Variants in KCND2 observed in about 807,000 individuals in gnomAD.
KCND2 encodes A-type voltage-gated potassium channel KCND2.
KCND2 carries 16 observed loss-of-function variants against 54.4 expected under a neutral mutation model. That is an observed-to-expected ratio of 0.29 (90% CI 0.20 to 0.45). The LOEUF (loss-of-function observed/expected upper bound fraction) is 0.45, where lower values mean the gene tolerates loss of function less well. Among genes scored for constraint, KCND2 ranks in the 20% least tolerant of loss-of-function variants. The probability of loss-of-function intolerance (pLI) is 1.00; values close to 1 mark genes in which losing one functional copy is unlikely to be tolerated. For synonymous variants in KCND2, 317 were observed against 310.7 expected (o/e 1.02, Z -0.21); for missense variants, 486 against 824.2 (o/e 0.59, Z 5.02).
intron 1 of KCND2, among the ~76,000 whole-genome samples, chr7:120,437,565 T>C (rs187504441): frequency 6.6e-6 from 1 of 152,152 alleles, no homozygotes; most frequent in Admixed American, 6.5e-5. Context: ...AAAAAAAAGA[T>C]ACTAAGTGCA....
At chr7:120,712,239 G>T (rs1792548675) in intron 1 of KCND2, among the ~76,000 whole-genome samples, 2 of 48,426 alleles carry the variant, frequency 4.1e-5, no homozygotes, top group East Asian at 7.1e-4. Flanking sequence ...TTGGATATCT[G>T]AATTTTTTTT....
intron 1 of KCND2, among the ~76,000 whole-genome samples, chr7:120,282,308 A>G (rs1191666302): frequency 6.6e-6 from 1 of 152,080 alleles, no homozygotes; most frequent in Non-Finnish European, 1.5e-5. Context: ...AGGTTTTCTC[A>G]TTTATGCATA....
Position 120,554,644 on chromosome 7 carries a change from G to A in KCND2, c.1116-178259G>A, listed in dbSNP as rs192845161. Among the ~76,000 whole-genome samples the A allele has an allele frequency of 6.1e-3, 935 of 152,070 alleles. 10 individuals are homozygous for A. Among genetic ancestry groups the A allele is most frequent in the African/African-American group, 0.021 (866 of 41,500 alleles). ...AGGATGGTGTCGATCTCCTGACCTC[G>A]TGATCCGCCCGCCTCGGCCTCCCAA... On this transcript the variant is annotated intron_variant, in intron 1 of 5. Transcript: ENST00000331113.
intron 1 of KCND2, among the ~76,000 whole-genome samples, chr7:120,634,962 T>C (rs1361227829): frequency 6.6e-6 from 1 of 152,188 alleles, no homozygotes; most frequent in East Asian, 1.9e-4. Flanking sequence ...CATCATGCTG[T>C]TCCCCTGTCC....
At chr7:120,647,623 C>T (rs982898280) in intron 1 of KCND2, among the ~76,000 whole-genome samples, 15 of 152,198 alleles carry the variant, frequency 9.9e-5, no homozygotes, top group South Asian at 4.2e-4. Flanking sequence ...CAGAAAAGAA[C>T]GGCTAATTAT....
chr7:120,592,453 G>C (rs775788661), intron 1 of KCND2, among the ~76,000 whole-genome samples: 14 of 152,090 alleles, frequency 9.2e-5, no homozygotes, highest in Non-Finnish European at 1.6e-4. Context: ...CAGGAGAATA[G>C]CTTGAACCCA....
At chr7:120,469,923 G>T (rs1003983173) in intron 1 of KCND2, among the ~76,000 whole-genome samples, 2 of 152,098 alleles carry the variant, frequency 1.3e-5, no homozygotes, top group Non-Finnish European at 2.9e-5. Flanking sequence ...GCATAAAAAA[G>T]TCACACTTAG....
At chr7:120,713,944 T>TA (rs1792571665) in intron 1 of KCND2, among the ~76,000 whole-genome samples, 1 of 152,194 alleles carries the variant, frequency 6.6e-6, no homozygotes, top group Admixed American at 6.5e-5. Context: ...TCAGTAATAA[T>TA]ATTGGCTTTG....
At chr7:120,456,556 T>C (rs921089039) in intron 1 of KCND2, among the ~76,000 whole-genome samples, 1 of 152,232 alleles carries the variant, frequency 6.6e-6, no homozygotes, top group African/African-American at 2.4e-5. Context: ...ACAATAATAA[T>C]GCAATTTCAT....
chr7:120,393,451 C>G (rs1801107485), intron 1 of KCND2, among the ~76,000 whole-genome samples: 1 of 151,978 alleles, frequency 6.6e-6, no homozygotes, highest in African/African-American at 2.4e-5. Context: ...TCTAGAAATG[C>G]ATTCACTTCT....
intron 1 of KCND2, among the ~76,000 whole-genome samples, chr7:120,656,876 A>G (rs1791809763): frequency 6.6e-6 from 1 of 152,170 alleles, no homozygotes; most frequent in Admixed American, 6.6e-5. Context: ...AAGGGGAACA[A>G]CAATCTGGCA....
At chr7:120,570,879 G>A (rs534045378) in intron 1 of KCND2, among the ~76,000 whole-genome samples, 9 of 152,184 alleles carry the variant, frequency 5.9e-5, no homozygotes, top group South Asian at 4.1e-4. Context: ...TATCCAAAGC[G>A]GTATAAACAG....
At chr7:120,531,767 T>A (rs1402756025) in intron 1 of KCND2, among the ~76,000 whole-genome samples, 1 of 152,138 alleles carries the variant, frequency 6.6e-6, no homozygotes, top group South Asian at 2.1e-4. Flanking sequence ...TACAAAAGAC[T>A]TTATATACTT....
At chr7:120,540,652 A>G (rs184311464) in intron 1 of KCND2, among the ~76,000 whole-genome samples, 18 of 152,332 alleles carry the variant, frequency 1.2e-4, no homozygotes, top group Non-Finnish European at 2.2e-4. Flanking sequence ...CAACTGTAAG[A>G]GAAGTGGTAC....
chr7:120,282,004 A>G (rs886978556), intron 1 of KCND2, among the ~76,000 whole-genome samples: 1 of 152,134 alleles, frequency 6.6e-6, no homozygotes, highest in African/African-American at 2.4e-5. Flanking sequence ...ATCCATAACT[A>G]ACTACTCTGC....
At chr7:120,413,513 A>G (rs1801480072) in intron 1 of KCND2, among the ~76,000 whole-genome samples, 1 of 152,024 alleles carries the variant, frequency 6.6e-6, no homozygotes. Context: ...ATATGCATAC[A>G]TACTTATGTA....
Position 120,677,572 on chromosome 7 carries a change from G to GAT in KCND2, c.1116-55325_1116-55324dup, listed in dbSNP as rs201572974. 1.1e-3 allele frequency among the ~76,000 whole-genome samples: 165 copies of GAT among 146,080 alleles called. 3 individuals are homozygous for GAT. Among genetic ancestry groups the GAT allele is most frequent in the East Asian group, 0.011 (55 of 5,114 alleles). ...AGATATATAGATATATAGATATATA[G>GAT]ATATATAGATATATAAAATACTCAA... is the stretch of plus-strand genomic sequence containing the variant. On this transcript the variant is annotated intron_variant, in intron 1 of 5. Coordinates refer to ENST00000331113, the MANE Select transcript of KCND2 (RefSeq NM_012281.3).
At chr7:120,478,057 C>T (rs2116274298) in intron 1 of KCND2, among the ~76,000 whole-genome samples, 1 of 152,094 alleles carries the variant, frequency 6.6e-6, no homozygotes, top group Non-Finnish European at 1.5e-5. Context: ...TTATTCTAAC[C>T]ATTCATTCAT....
intron 1 of KCND2, among the ~76,000 whole-genome samples, chr7:120,284,455 A>T (rs1298675222): frequency 1.3e-5 from 2 of 152,176 alleles, no homozygotes; most frequent in Non-Finnish European, 2.9e-5. Context: ...TTATGAAAAT[A>T]TGTCTAGATT....
Sources: allele counts gnomAD v4.1 joint callset (sites outside exome capture counted in the v4.1 genomes callset), GRCh38; gene constraint gnomAD v4.1.1; transcripts MANE v1.5; gene names NCBI Gene and HGNC (gene_info 2026-07-23, HGNC 2026-07-21).